KANSL3: variants seen among roughly 807,000 people sequenced by gnomAD.
KANSL3 encodes the protein NSL complex protein NSL3.
KANSL3 carries 16 observed loss-of-function variants against 89.2 expected under a neutral mutation model. The ratio of observed to expected loss-of-function variants is 0.18; its 90% CI spans 0.12 to 0.27. The LOEUF (loss-of-function observed/expected upper bound fraction) is 0.27, where lower values mean the gene tolerates loss of function less well. KANSL3 is among the 10% of genes least tolerant of loss of function. The pLI, the probability that KANSL3 is intolerant of heterozygous loss-of-function variation, is 1.00. For synonymous variants in KANSL3, 385 were observed against 419.7 expected (o/e 0.92, Z 1.01); for missense variants, 879 against 1,110.6 (o/e 0.79, Z 2.96).
At position 96,605,331 on chromosome 2, in the gene KANSL3, C is replaced by T. The variant is rs746638259; in HGVS notation, c.1922G>A (p.Ser641Asn). 1 of 1,609,980 alleles carries T rather than the reference C, an allele frequency of 6.2e-7. No homozygotes were observed. Among genetic ancestry groups the T allele is most frequent in the African/African-American group, 1.3e-5 (1 of 74,968 alleles). ...CAAGAGAAACTCACCTTCTGGAGCA[C>T]TTCCTTGGGAAGGAGCACAAGGCCC... Reference protein sequence around the residue: ...AGGPCAPSQGSAPEAAGGKPI... With the variant: ...AGGPCAPSQGNAPEAAGGKPI... The change falls in exon 15 of 21, where the codon AGT becomes AAT. Residue 641 changes from serine (S) to asparagine (N), a missense_variant. By Grantham distance (46) the Ser-to-Asn change is conservative. This residue lies in a region of KANSL3 where 317 missense variants were observed against 311.2 expected (regional missense o/e 1.02). Transcript: ENST00000431828.
chr2:96,602,976 G>T, intron 17 of KANSL3, 114 bp from the exon 18 acceptor site: 1 of 886,432 alleles, frequency 1.1e-6, no homozygotes, highest in Non-Finnish European at 1.8e-6. Flanking sequence ...GCTTGCCCTT[G>T]GACACCCGTC....
chr2:96,628,008 A>AT, intron 3 of KANSL3: 1 of 1,290,284 alleles, frequency 7.8e-7, no homozygotes, highest in Non-Finnish European at 1.0e-6. Flanking sequence ...AATCTGATAA[A>AT]TTGAGCTTTA....
chr2:96,618,314 T>C (rs973827893), intron 5 of KANSL3, among the ~76,000 whole-genome samples: 1 of 152,112 alleles, frequency 6.6e-6, no homozygotes, highest in Non-Finnish European at 1.5e-5. Flanking sequence ...ACCAGCCTCC[T>C]AACTAGCTGG....
intron 1 of KANSL3, chr2:96,637,917 C>G (rs1489784193): frequency 6.6e-6 from 1 of 152,516 alleles, no homozygotes; most frequent in Admixed American, 6.5e-5. Flanking sequence ...AGCCTCCACA[C>G]GGCCCATCTA....
chr2:96,611,955 A>G (rs988442017), intron 9 of KANSL3, among the ~76,000 whole-genome samples: 7 of 98,572 alleles, frequency 7.1e-5, no homozygotes, highest in Non-Finnish European at 1.4e-4. Flanking sequence ...AAATGCTATT[A>G]TATTTGGGAT....
At chr2:96,630,359 G>A (rs1260796095) in intron 3 of KANSL3, among the ~76,000 whole-genome samples, 1 of 152,228 alleles carries the variant, frequency 6.6e-6, no homozygotes, top group Non-Finnish European at 1.5e-5. Flanking sequence ...ATGAAGTGCT[G>A]ATACACGCAA....
chr2:96,609,087 A>C (rs965181713), intron 12 of KANSL3, 23 bp from the exon 13 acceptor site: 1 of 1,548,266 alleles, frequency 6.5e-7, no homozygotes, highest in Non-Finnish European at 8.7e-7. Flanking sequence ...GGAGCCAACC[A>C]AGGCCTTTTA....
At chr2:96,634,670 G>A (rs2074000550) in intron 2 of KANSL3, among the ~76,000 whole-genome samples, 2 of 152,190 alleles carry the variant, frequency 1.3e-5, no homozygotes, top group Admixed American at 6.5e-5. Flanking sequence ...TTTGACTTCA[G>A]TGACCTTACT....
the KANSL3 span, among the ~76,000 whole-genome samples, chr2:96,585,535 C>T: frequency 6.6e-6 from 1 of 152,140 alleles, no homozygotes; most frequent in Non-Finnish European, 1.5e-5. Flanking sequence ...CTAGTACAAT[C>T]ACTATGGAGA....
At chr2:96,603,207 G>A (rs927880969) in intron 17 of KANSL3, 9 of 199,138 alleles carry the variant, frequency 4.5e-5, no homozygotes, top group Non-Finnish European at 6.1e-5. Context: ...CTTTCACTTC[G>A]CCTCACACAA....
At chr2:96,615,509 G>T in intron 5 of KANSL3, 1 of 1,287,534 alleles carries the variant, frequency 7.8e-7, no homozygotes, top group South Asian at 1.2e-5. Flanking sequence ...AGAAATATCT[G>T]CGAATTCCAT....
intron 5 of KANSL3, chr2:96,615,488 T>C (rs2069893383): frequency 2.3e-6 from 3 of 1,282,932 alleles, no homozygotes; most frequent in African/African-American, 3.0e-5. Flanking sequence ...ATGTTGATGC[T>C]TACACTGAGA....
intron 5 of KANSL3, among the ~76,000 whole-genome samples, chr2:96,617,524 G>C (rs991588475): frequency 1.3e-5 from 2 of 150,362 alleles, no homozygotes; most frequent in African/African-American, 2.5e-5. Flanking sequence ...AGCAAGATGA[G>C]CCAGCTTCCT....
chr2:96,605,203 C>A, intron 15 of KANSL3, 117 bp downstream of exon 15: 1 of 888,936 alleles, frequency 1.1e-6, no homozygotes, highest in Non-Finnish European at 1.7e-6. Context: ...GTCTTCTTTG[C>A]TCCGGGCATC....
intron 2 of KANSL3, among the ~76,000 whole-genome samples, chr2:96,636,481 CGT>C (rs2074262377): frequency 6.6e-6 from 1 of 152,198 alleles, no homozygotes; most frequent in African/African-American, 2.4e-5. Flanking sequence ...TCCTAACCTT[CGT>C]GTGTGAAACC....
At chr2:96,627,892 T>C (rs2072664011) in intron 3 of KANSL3, 2 of 1,288,138 alleles carry the variant, frequency 1.6e-6, no homozygotes, top group Non-Finnish European at 2.0e-6. Flanking sequence ...TCATAAATAA[T>C]AAAATCGGCT....
intron 20 of KANSL3, among the ~76,000 whole-genome samples, 175 bp from the exon 21 acceptor site, chr2:96,595,806 A>T (rs934418092): frequency 3.9e-5 from 6 of 152,234 alleles, no homozygotes; most frequent in African/African-American, 1.4e-4. Flanking sequence ...TGGTTAACAG[A>T]ACATGGACTC....
At chr2:96,596,271 G>C (rs1330971368) in intron 20 of KANSL3, among the ~76,000 whole-genome samples, 1 of 152,238 alleles carries the variant, frequency 6.6e-6, no homozygotes, top group African/African-American at 2.4e-5. Context: ...TAGTAAAGGA[G>C]GGAAGGCCAG....
chr2:96,589,614 C>G (rs2066260440), downstream of KANSL3, among the ~76,000 whole-genome samples: 1 of 152,160 alleles, frequency 6.6e-6, no homozygotes, highest in South Asian at 2.1e-4. Context: ...GAAATTTCAA[C>G]ACCACTCTTT....
Sources: gnomAD v4.1 joint callset for allele counts (sites outside exome capture counted in the v4.1 genomes callset) on GRCh38, gnomAD v4.1.1 for gene constraint, gnomAD v4.1.1 regional missense constraint, MANE v1.5 for transcripts, NCBI Gene and HGNC (gene_info 2026-07-23, HGNC 2026-07-21) for gene names.